Variants in RAPGEF6 observed in about 807,000 individuals in gnomAD.
RAPGEF6 encodes Rap guanine nucleotide exchange factor 6.
Under a neutral mutation model 171.4 loss-of-function variants are expected in RAPGEF6, and 56 were observed. The ratio of observed to expected loss-of-function variants is 0.33; its 90% confidence interval spans 0.26 to 0.41. The LOEUF (loss-of-function observed/expected upper bound fraction) is 0.41, where lower values mean the gene tolerates loss of function less well. RAPGEF6 is among the 10% of genes least tolerant of loss of function. RAPGEF6 has a pLI of 1.00. For synonymous variants in RAPGEF6, 692 were observed against 650.1 expected (o/e 1.06, Z -0.98); for missense variants, 1,674 against 1,921.4 (o/e 0.87, Z 2.41).
intron 7 of RAPGEF6, among the ~76,000 whole-genome samples, chr5:131,511,637 C>T (rs1379258203): frequency 6.6e-6 from 1 of 151,992 alleles, no homozygotes; most frequent in Admixed American, 6.6e-5. Context: ...CCTGGGAACA[C>T]AGGTATGCAC....
intron 12 of RAPGEF6, among the ~76,000 whole-genome samples, chr5:131,496,621 T>C (rs1171384063): frequency 1.3e-5 from 2 of 152,226 alleles, no homozygotes; most frequent in African/African-American, 4.8e-5. Flanking sequence ...CCTAGCCTTT[T>C]GTGATTGGCT....
chr5:131,504,582 A>G, intron 11 of RAPGEF6, 44 bp downstream of exon 11: 2 of 1,512,740 alleles, frequency 1.3e-6, no homozygotes, highest in Non-Finnish European at 1.8e-6. Context: ...AGCTTTGATG[A>G]TAGAATAAAA....
At chr5:131,629,019 C>G (rs1205420724) in intron 1 of RAPGEF6, among the ~76,000 whole-genome samples, 1 of 152,120 alleles carries the variant, frequency 6.6e-6, no homozygotes, top group Non-Finnish European at 1.5e-5. Context: ...AATACAACAT[C>G]CATTCTGTGG....
chr5:131,465,653 C>T (rs971335605), intron 17 of RAPGEF6, among the ~76,000 whole-genome samples: 15 of 151,938 alleles, frequency 9.9e-5, no homozygotes, highest in Admixed American at 6.6e-5. Context: ...TGTGGTGGCA[C>T]ATTCTTGTAG....
chr5:131,476,915 C>A (rs946429800), intron 16 of RAPGEF6, among the ~76,000 whole-genome samples: 3 of 152,190 alleles, frequency 2.0e-5, no homozygotes, highest in African/African-American at 7.2e-5. Flanking sequence ...AAACTTATAA[C>A]ATTTTCAATT....
At chr5:131,518,041 T>G (rs1758214302) in intron 7 of RAPGEF6, among the ~76,000 whole-genome samples, 1 of 152,062 alleles carries the variant, frequency 6.6e-6, no homozygotes, top group South Asian at 2.1e-4. Flanking sequence ...AGAAACATAA[T>G]AAAAACTACC....
intron 12 of RAPGEF6, 148 bp downstream of exon 12, chr5:131,498,295 G>T: frequency 1.4e-6 from 1 of 713,736 alleles, no homozygotes; most frequent in Non-Finnish European, 2.2e-6. Flanking sequence ...AGTAAGCAGA[G>T]AATGTTTATA....
intron 19 of RAPGEF6, among the ~76,000 whole-genome samples, chr5:131,459,818 T>C (rs748684839): frequency 9.2e-5 from 14 of 152,170 alleles, no homozygotes; most frequent in Non-Finnish European, 1.6e-4. Context: ...TAACAGTATC[T>C]CTGGGGAGAG....
chr5:131,538,886 A>T (rs1297163821), intron 6 of RAPGEF6, among the ~76,000 whole-genome samples: 2 of 152,230 alleles, frequency 1.3e-5, no homozygotes, highest in Admixed American at 1.3e-4. Context: ...CCTTCTAACT[A>T]GGTACAAAAA....
intron 4 of RAPGEF6, among the ~76,000 whole-genome samples, chr5:131,588,512 G>A (rs565320875): frequency 6.6e-6 from 1 of 152,260 alleles, no homozygotes; most frequent in South Asian, 2.1e-4. Flanking sequence ...GGAGGCCAAC[G>A]CAGGTGGATC....
intron 16 of RAPGEF6, among the ~76,000 whole-genome samples, 156 bp downstream of exon 16, chr5:131,479,357 A>G (rs1187276281): frequency 6.6e-6 from 1 of 152,158 alleles, no homozygotes; most frequent in Non-Finnish European, 1.5e-5. Flanking sequence ...TGATAGGGAG[A>G]AGTTCAAATG....
chr5:131,485,834 G>A (rs1755848075), intron 15 of RAPGEF6, among the ~76,000 whole-genome samples: 1 of 152,166 alleles, frequency 6.6e-6, no homozygotes, highest in Admixed American at 6.5e-5. Flanking sequence ...GGACATAAAA[G>A]ATAGCAAACT....
chr5:131,561,314 G>A (rs939661542), intron 5 of RAPGEF6, among the ~76,000 whole-genome samples: 5 of 152,096 alleles, frequency 3.3e-5, no homozygotes, highest in African/African-American at 1.2e-4. Context: ...CTAGGGCACA[G>A]ACTATAGAAT....
At chr5:131,517,371 T>C (rs961568601) in intron 7 of RAPGEF6, among the ~76,000 whole-genome samples, 1 of 151,578 alleles carries the variant, frequency 6.6e-6, no homozygotes, top group Non-Finnish European at 1.5e-5. Flanking sequence ...TATAGTCTTC[T>C]GCCCCACAAA....
At chr5:131,489,506 A>G (rs1756139740) in intron 15 of RAPGEF6, 40 bp downstream of exon 15, 1 of 1,188,340 alleles carries the variant, frequency 8.4e-7, no homozygotes, top group Non-Finnish European at 1.2e-6. Flanking sequence ...TTACCAAATT[A>G]AGAAGAAAGA....
At chr5:131,567,513 G>A (rs1762027131) in intron 4 of RAPGEF6, among the ~76,000 whole-genome samples, 1 of 151,886 alleles carries the variant, frequency 6.6e-6, no homozygotes, top group South Asian at 2.1e-4. Context: ...GTCTTCCTTG[G>A]TCTATTATTC....
chr5:131,611,920 G>A lies in RAPGEF6; in HGVS notation c.70-7227C>T, dbSNP rs552480340. 3.3e-5 allele frequency among the ~76,000 whole-genome samples: 5 copies of A among 152,076 alleles called. No individual in the cohort carries two copies. The South Asian group carries it at 8.3e-4, about 25-fold the overall frequency. On this transcript the variant is annotated intron_variant, in intron 1 of 27. Transcript: ENST00000509018. ...CATGCCTTATTATGTAACAATAGCC[G>A]GAGTAAGTGTGGCCATATAGAGACA...
At chr5:131,470,005 G>T (rs989265225) in intron 17 of RAPGEF6, among the ~76,000 whole-genome samples, 1 of 152,060 alleles carries the variant, frequency 6.6e-6, no homozygotes, top group Admixed American at 6.5e-5. Context: ...ATATACATAT[G>T]TGATGTACAT....
chr5:131,508,982 T>C (rs1445899563), intron 8 of RAPGEF6, among the ~76,000 whole-genome samples: 1 of 152,194 alleles, frequency 6.6e-6, no homozygotes, highest in Non-Finnish European at 1.5e-5. Flanking sequence ...ATTATATCTT[T>C]AGAATGGCAA....
Sources: gnomAD v4.1 joint callset for allele counts (sites outside exome capture counted in the v4.1 genomes callset) on GRCh38, gnomAD v4.1.1 for gene constraint, MANE v1.5 for transcripts, NCBI Gene and HGNC (gene_info 2026-07-23, HGNC 2026-07-21) for gene names.